Variants in SLC12A8 observed in about 807,000 individuals in gnomAD.
The protein encoded by SLC12A8 is solute carrier family 12 member 8.
SLC12A8 carries 69 observed loss-of-function variants against 75.6 expected under a neutral mutation model. The observed-to-expected ratio is 0.91, with a 90% CI of 0.75 to 1.11. The LOEUF (loss-of-function observed/expected upper bound fraction) is 1.11, where lower values mean the gene tolerates loss of function less well. Ranked by LOEUF, SLC12A8 falls within the 50% of genes most tolerant of loss-of-function variation. The pLI, the probability that SLC12A8 is intolerant of heterozygous loss-of-function variation, is 0.00. For synonymous variants in SLC12A8, 365 were observed against 372.8 expected, an observed-to-expected ratio of 0.98 and a Z score of 0.24; for missense variants, 877 against 896.7, an observed-to-expected ratio of 0.98 and a Z score of 0.28.
At chr3:125,162,159 G>T (rs906830402) in intron 5 of SLC12A8, among the ~76,000 whole-genome samples, 50 of 152,232 alleles carry the variant, frequency 3.3e-4, no homozygotes, top group Non-Finnish European at 1.2e-4. Context: ...AGGGGCTAGG[G>T]TTCTCCACAC....
At chr3:125,147,790 G>A (rs1042207861) in intron 5 of SLC12A8, among the ~76,000 whole-genome samples, 5 of 152,156 alleles carry the variant, frequency 3.3e-5, no homozygotes, top group African/African-American at 1.2e-4. Flanking sequence ...GCAAAGTATG[G>A]TCCCCAACCT....
chr3:125,091,844 T>C (rs1938588344), intron 11 of SLC12A8, among the ~76,000 whole-genome samples: 2 of 152,252 alleles, frequency 1.3e-5, no homozygotes, highest in African/African-American at 2.4e-5. Context: ...GAAAGTATGA[T>C]AACTTAGCGT....
At chr3:125,093,419 T>C (rs574945472) in intron 10 of SLC12A8, among the ~76,000 whole-genome samples, 1 of 152,222 alleles carries the variant, frequency 6.6e-6, no homozygotes, top group Admixed American at 6.5e-5. Context: ...CCAAATCCTG[T>C]CTCATATACC....
chr3:125,135,370 T>C (rs1933461133), intron 6 of SLC12A8, among the ~76,000 whole-genome samples: 1 of 152,128 alleles, frequency 6.6e-6, no homozygotes, highest in African/African-American at 2.4e-5. Flanking sequence ...GGTGTCAATG[T>C]ATAAGGAGTG....
intron 5 of SLC12A8, among the ~76,000 whole-genome samples, chr3:125,152,273 T>C (rs1222888618): frequency 6.6e-6 from 1 of 152,238 alleles, no homozygotes; most frequent in Non-Finnish European, 1.5e-5. Flanking sequence ...CTTTAGGCCA[T>C]AACAGAAGTC....
chr3:125,144,790 T>C (rs554920352), intron 5 of SLC12A8, among the ~76,000 whole-genome samples: 126 of 152,176 alleles, frequency 8.3e-4, no homozygotes, highest in Non-Finnish European at 1.3e-3. Context: ...CCTGCCCCAC[T>C]GTTGCTTGGA....
intron 5 of SLC12A8, among the ~76,000 whole-genome samples, chr3:125,167,099 C>T (rs1934306590): frequency 6.6e-6 from 1 of 151,954 alleles, no homozygotes; most frequent in Admixed American, 6.6e-5. Context: ...AAATGAATAT[C>T]TGTTATACTC....
At chr3:125,179,687 G>A (rs182306666) in intron 4 of SLC12A8, among the ~76,000 whole-genome samples, 7 of 148,314 alleles carry the variant, frequency 4.7e-5, no homozygotes, top group South Asian at 2.1e-4. Flanking sequence ...GAAATGTGAG[G>A]GAAATACAAT....
intron 5 of SLC12A8, among the ~76,000 whole-genome samples, chr3:125,155,956 C>A (rs1934041000): frequency 6.6e-6 from 1 of 152,010 alleles, no homozygotes; most frequent in Non-Finnish European, 1.5e-5. Context: ...CATCCCTAGA[C>A]CGTATGCTCA....
chr3:125,125,640 T>C (rs1434662792), intron 6 of SLC12A8, among the ~76,000 whole-genome samples: 1 of 152,220 alleles, frequency 6.6e-6, no homozygotes, highest in East Asian at 1.9e-4. Context: ...GATCATCTAC[T>C]CCAACCTTTT....
intron 2 of SLC12A8, among the ~76,000 whole-genome samples, chr3:125,202,059 C>A (rs1343494697): frequency 6.6e-6 from 1 of 152,186 alleles, no homozygotes; most frequent in Non-Finnish European, 1.5e-5. Context: ...AGGCACCTGC[C>A]TCCACACCCA....
chr3:125,205,374 C>A (rs1487602580), intron 2 of SLC12A8, among the ~76,000 whole-genome samples: 1 of 151,300 alleles, frequency 6.6e-6, no homozygotes, highest in Non-Finnish European at 1.5e-5. Context: ...AGTCACAGAA[C>A]CCTGCCTAAC....
chr3:125,176,994 T>C (rs901833751), intron 5 of SLC12A8, among the ~76,000 whole-genome samples: 4 of 151,902 alleles, frequency 2.6e-5, no homozygotes, highest in African/African-American at 4.8e-5. Context: ...CAAAGGATTA[T>C]AAATCATGCT....
intron 5 of SLC12A8, among the ~76,000 whole-genome samples, chr3:125,177,497 A>C (rs1245900800): frequency 6.6e-6 from 1 of 152,132 alleles, no homozygotes; most frequent in Non-Finnish European, 1.5e-5. Flanking sequence ...ATAAATATAC[A>C]TTAAAAAAAG....
intron 9 of SLC12A8, among the ~76,000 whole-genome samples, chr3:125,109,722 T>C (rs1056099749): frequency 6.6e-6 from 1 of 152,138 alleles, no homozygotes; most frequent in Non-Finnish European, 1.5e-5. Flanking sequence ...ACAGGAAGTG[T>C]AGACGCCAGA....
In SLC12A8 at chr3:125,177,723, C is replaced by G; in HGVS notation, c.622+20G>C. The G allele has an allele frequency of 6.3e-7, 1 of 1,597,732 alleles. No individual in the cohort carries two copies. Among genetic ancestry groups the G allele is most frequent in the Non-Finnish European group, 8.6e-7 (1 of 1,165,386 alleles). On this transcript the variant is annotated intron_variant, in intron 5 of 13. Coordinates refer to ENST00000469902, the MANE Select transcript of SLC12A8 (RefSeq NM_024628.6). Reference sequence around the variant, plus strand: ...CAGTGAAGATCCATAAGGCCACATACTGGACTCTGAAAGGCTTACCTGGGT... The same window carrying G: ...CAGTGAAGATCCATAAGGCCACATAGTGGACTCTGAAAGGCTTACCTGGGT...
At chr3:125,095,135 T>C (rs1169364400) in intron 10 of SLC12A8, among the ~76,000 whole-genome samples, 2 of 152,224 alleles carry the variant, frequency 1.3e-5, no homozygotes, top group Non-Finnish European at 2.9e-5. Flanking sequence ...ATGCTACTGA[T>C]ATATTGATGA....
chr3:125,094,223 G>A (rs565812728), intron 10 of SLC12A8, among the ~76,000 whole-genome samples: 1 of 152,212 alleles, frequency 6.6e-6, no homozygotes, highest in South Asian at 2.1e-4. Flanking sequence ...ACCATTCATA[G>A]TCTACAGAGG....
intron 2 of SLC12A8, among the ~76,000 whole-genome samples, chr3:125,194,798 T>A (rs1434647740): frequency 6.6e-6 from 1 of 152,246 alleles, no homozygotes; most frequent in Non-Finnish European, 1.5e-5. Context: ...CTGGATTACA[T>A]ACACATGCGA....
Sources: gnomAD v4.1 joint callset for allele counts (sites outside exome capture counted in the v4.1 genomes callset) on GRCh38, gnomAD v4.1.1 for gene constraint, MANE v1.5 for transcripts, NCBI Gene and HGNC (gene_info 2026-07-23, HGNC 2026-07-21) for gene names.